CHCHD6: variants seen among roughly 807,000 people sequenced by gnomAD.
The protein encoded by CHCHD6 is coiled-coil-helix-coiled-coil-helix domain containing 6, also known as MICOS complex subunit MIC25.
In CHCHD6, 28 loss-of-function variants were observed where a neutral mutation model predicts 32.3. The observed-to-expected ratio is 0.87, with a 90% CI of 0.64 to 1.19. CHCHD6 has a LOEUF of 1.19. CHCHD6 is among the 50% of genes most tolerant of loss of function. The probability of loss-of-function intolerance (pLI) is 0.00; values close to 1 mark genes in which losing one functional copy is unlikely to be tolerated. For missense variants in CHCHD6, 333 were observed against 307.0 expected (o/e 1.08, Z -0.63); for synonymous variants, 122 against 117.5 (o/e 1.04, Z -0.25).
chr3:126,782,940 A>G (rs1053472122), intron 4 of CHCHD6, among the ~76,000 whole-genome samples: 11 of 152,158 alleles, frequency 7.2e-5, no homozygotes, highest in African/African-American at 2.7e-4. Flanking sequence ...TTCAGTATCA[A>G]TCTTTTGCAT....
chr3:126,936,056 A>G (rs1214710466), intron 6 of CHCHD6, among the ~76,000 whole-genome samples: 1 of 152,206 alleles, frequency 6.6e-6, no homozygotes, highest in East Asian at 1.9e-4. Context: ...TGTAAAATGG[A>G]TTATACAGGG....
chr3:126,787,600 G>A (rs1293019431), intron 4 of CHCHD6, among the ~76,000 whole-genome samples: 1 of 152,274 alleles, frequency 6.6e-6, no homozygotes, highest in East Asian at 1.9e-4. Context: ...GTGAATGGTA[G>A]TTCACTCATG....
chr3:126,715,665 A>G (rs1325087873), intron 1 of CHCHD6, among the ~76,000 whole-genome samples: 1 of 152,058 alleles, frequency 6.6e-6, no homozygotes, highest in African/African-American at 2.4e-5. Context: ...GAGATCAATA[A>G]TGTGGCTCAA....
intron 6 of CHCHD6, among the ~76,000 whole-genome samples, chr3:126,935,745 G>A (rs1280632468): frequency 1.3e-5 from 2 of 152,224 alleles, no homozygotes; most frequent in Non-Finnish European, 2.9e-5. Context: ...TAATGAAACT[G>A]CATTTAATTG....
At chr3:126,741,355 T>A (rs1444075582) in intron 4 of CHCHD6, among the ~76,000 whole-genome samples, 1 of 151,328 alleles carries the variant, frequency 6.6e-6, no homozygotes, top group Non-Finnish European at 1.5e-5. Flanking sequence ...TTTTTTTTTT[T>A]AAAGGATGTG....
chr3:126,845,754 T>C (rs1355649310), intron 4 of CHCHD6, among the ~76,000 whole-genome samples: 3 of 152,192 alleles, frequency 2.0e-5, no homozygotes, highest in Non-Finnish European at 4.4e-5. Context: ...ATTCATGCCA[T>C]ATCATGCTAG....
At chr3:126,726,385 A>G (rs1181390898) in intron 1 of CHCHD6, among the ~76,000 whole-genome samples, 5 of 152,232 alleles carry the variant, frequency 3.3e-5, no homozygotes, top group African/African-American at 4.8e-5. Context: ...CAAGAGTAAC[A>G]TGAAATGTCA....
At chr3:126,832,152 G>C (rs1426621274) in intron 4 of CHCHD6, among the ~76,000 whole-genome samples, 2 of 152,210 alleles carry the variant, frequency 1.3e-5, no homozygotes, top group African/African-American at 4.8e-5. Flanking sequence ...GAGAGGCAAG[G>C]CGGCTCTGCC....
At chr3:126,743,099 C>G (rs1936347336) in intron 4 of CHCHD6, among the ~76,000 whole-genome samples, 1 of 152,006 alleles carries the variant, frequency 6.6e-6, no homozygotes, top group African/African-American at 2.4e-5. Flanking sequence ...TGTTTTGAAC[C>G]CTATGGGGAG....
At chr3:126,716,944 G>A (rs1230194034) in intron 1 of CHCHD6, among the ~76,000 whole-genome samples, 5 of 152,108 alleles carry the variant, frequency 3.3e-5, no homozygotes, top group African/African-American at 1.2e-4. Flanking sequence ...TCTTTTTATC[G>A]CTTTAGCTTC....
intron 4 of CHCHD6, among the ~76,000 whole-genome samples, chr3:126,761,682 C>T (rs561840530): frequency 6.6e-6 from 1 of 152,178 alleles, no homozygotes; most frequent in Non-Finnish European, 1.5e-5. Flanking sequence ...CTGCCTTGGC[C>T]TCCTAAAGGG....
chr3:126,899,433 C>T (rs1202862652), intron 5 of CHCHD6, among the ~76,000 whole-genome samples: 1 of 152,184 alleles, frequency 6.6e-6, no homozygotes, highest in Non-Finnish European at 1.5e-5. Flanking sequence ...ATTTTCCTTT[C>T]TTTGGTGTCA....
At chr3:126,790,331 G>A (rs1023967398) in intron 4 of CHCHD6, among the ~76,000 whole-genome samples, 3 of 152,090 alleles carry the variant, frequency 2.0e-5, no homozygotes, top group Admixed American at 2.0e-4. Flanking sequence ...GAGTATCTTT[G>A]TGGTGTTCTC....
At chr3:126,797,868 C>T (rs956260396) in intron 4 of CHCHD6, among the ~76,000 whole-genome samples, 4 of 151,996 alleles carry the variant, frequency 2.6e-5, no homozygotes, top group Non-Finnish European at 2.9e-5. Context: ...GGTGTGTCTG[C>T]GTGAAAAGGA....
intron 6 of CHCHD6, among the ~76,000 whole-genome samples, chr3:126,933,826 A>G (rs1297680368): frequency 6.6e-6 from 1 of 152,220 alleles, no homozygotes; most frequent in Non-Finnish European, 1.5e-5. Context: ...GAATAAAATC[A>G]TCTTTAGAAA....
At chr3:126,898,171 C>T (rs2077867977) in intron 5 of CHCHD6, among the ~76,000 whole-genome samples, 1 of 152,264 alleles carries the variant, frequency 6.6e-6, no homozygotes, top group African/African-American at 2.4e-5. Context: ...CCGGCTCGCA[C>T]CCCCTGGACT....
At chr3:126,802,408 G>A (rs539928388) in intron 4 of CHCHD6, among the ~76,000 whole-genome samples, 2 of 152,326 alleles carry the variant, frequency 1.3e-5, no homozygotes, top group South Asian at 2.1e-4. Context: ...TGAGAACTAC[G>A]TGAAGAATGC....
chr3:126,736,314 T>A (rs1936041857), intron 4 of CHCHD6, among the ~76,000 whole-genome samples: 1 of 152,112 alleles, frequency 6.6e-6, no homozygotes, highest in African/African-American at 2.4e-5. Context: ...TCACAGCACA[T>A]CCTTCTAGCC....
intron 5 of CHCHD6, among the ~76,000 whole-genome samples, chr3:126,912,552 G>C (rs1403234121): frequency 1.3e-5 from 2 of 152,182 alleles, no homozygotes; most frequent in African/African-American, 4.8e-5. Context: ...GCTGTAGAGG[G>C]AGGCATCCAT....
Sources: allele counts gnomAD v4.1 joint callset (sites outside exome capture counted in the v4.1 genomes callset), GRCh38; gene constraint gnomAD v4.1.1; transcripts MANE v1.5; gene names NCBI Gene and HGNC (gene_info 2026-07-23, HGNC 2026-07-21).